NRG2: variants seen among roughly 807,000 people sequenced by gnomAD.
NRG2 encodes neuregulin 2.
In NRG2, 27 loss-of-function variants were observed where a neutral mutation model predicts 73.9. The ratio of observed to expected loss-of-function variants is 0.37; its 90% CI spans 0.27 to 0.50. NRG2 has a LOEUF of 0.50. Ranked by LOEUF, NRG2 falls within the 20% of genes least tolerant of loss-of-function variation. The pLI, the probability that NRG2 is intolerant of heterozygous loss-of-function variation, is 0.96. For synonymous variants in NRG2, 532 were observed against 541.0 expected, an observed-to-expected ratio of 0.98 and a Z score of 0.23; for missense variants, 1,126 against 1,210.1, an observed-to-expected ratio of 0.93 and a Z score of 1.03.
intron 1 of NRG2, among the ~76,000 whole-genome samples, chr5:139,961,176 C>T (rs895174235): frequency 1.3e-5 from 2 of 152,168 alleles, no homozygotes; most frequent in African/African-American, 2.4e-5. Flanking sequence ...GTGGGGGTTT[C>T]GGGAGGGTTG....
Position 139,880,926 on chromosome 5 carries a change from C to T in NRG2, c.921G>A (p.Gly307=), listed in dbSNP as rs1388244663. The T allele has an allele frequency of 1.9e-6, 3 of 1,614,206 alleles. No homozygotes were observed. The highest frequency in any genetic ancestry group is 2.5e-6 in the Non-Finnish European group (3 of 1,180,020). ...QFNKVKVEDA[G]EYVCEAENIL... ...TGTTCTCGGCCTCGCAGACATACTC[C>T]CCAGCGTCCTCCACCTTCACCTTGT... is the stretch of plus-strand genomic sequence containing the variant. Residue 307 remains glycine (G), a synonymous_variant, in exon 3 of 10, where the codon GGG becomes GGA. Transcript: ENST00000361474.
intron 1 of NRG2, among the ~76,000 whole-genome samples, chr5:139,993,481 T>C (rs779333524): frequency 3.9e-5 from 6 of 152,208 alleles, no homozygotes; most frequent in Non-Finnish European, 8.8e-5. Context: ...CTCGCTAGTA[T>C]CGTTAAAGCC....
At chr5:139,989,881 T>C (rs368691191) in intron 1 of NRG2, among the ~76,000 whole-genome samples, 31 of 151,556 alleles carry the variant, frequency 2.0e-4, no homozygotes, top group South Asian at 1.7e-3. Flanking sequence ...CTCCGCCTCC[T>C]GGGTTCATGC....
intron 1 of NRG2, among the ~76,000 whole-genome samples, chr5:139,974,334 G>A (rs1756211651): frequency 6.6e-6 from 1 of 152,098 alleles, no homozygotes; most frequent in Non-Finnish European, 1.5e-5. Flanking sequence ...CTCAAGGGGA[G>A]TACCTCTGTC....
In NRG2 at chr5:139,948,410, C is replaced by G. The variant is rs187612014; in HGVS notation, c.701-60899G>C. On this transcript the variant is annotated intron_variant, in intron 1 of 9. Coordinates refer to ENST00000361474, the MANE Select transcript of NRG2 (RefSeq NM_004883.3). The stretch of plus-strand genomic sequence containing the variant: ...ACCTAACCTGAGCCACTCTTTCTCC[C>G]ACACAGAGGTCCGCTTCACATATAA... 2.0e-5 allele frequency among the ~76,000 whole-genome samples: 3 copies of G among 152,270 alleles called. No individual in the cohort carries two copies. In the East Asian group the frequency reaches 5.8e-4, roughly 29 times the overall value.
At chr5:140,002,470 C>T (rs180692584) in intron 1 of NRG2, among the ~76,000 whole-genome samples, 3 of 152,170 alleles carry the variant, frequency 2.0e-5, no homozygotes, top group East Asian at 1.9e-4. Flanking sequence ...ATGAGCCACA[C>T]GGATTTTTAG....
At position 139,913,972 on chromosome 5, in the gene NRG2, G is replaced by A. The variant is rs1447713914; in HGVS notation, c.701-26461C>T. 1.6e-4 allele frequency among the ~76,000 whole-genome samples: 25 copies of A among 151,992 alleles called. 2 individuals are homozygous for A. Among genetic ancestry groups the A allele is most frequent in the Admixed American group, 1.6e-3 (25 of 15,268 alleles). ...GTTTGAGATCAGCCTGGGCAGCATGGTGAAACTCTGTCTCTACAAAAAAAT... is the reference window on the plus strand; with the variant it reads ...GTTTGAGATCAGCCTGGGCAGCATGATGAAACTCTGTCTCTACAAAAAAAT... On this transcript the variant is annotated intron_variant, in intron 1 of 9. Transcript: ENST00000361474.
chr5:139,922,333 T>A lies in NRG2; in HGVS notation c.701-34822A>T, dbSNP rs140458210. The stretch of plus-strand genomic sequence containing the variant: ...CCAAAGAAAATATACAGATGGCAAA[T>A]AAGCATATGAGAAGATGCTCCACAT... On this transcript the variant is annotated intron_variant, in intron 1 of 9. Transcript: ENST00000361474. Among the ~76,000 whole-genome samples, 186 of 152,088 alleles carry A rather than the reference T, an allele frequency of 1.2e-3. 1 individual carries two copies. The highest frequency in any genetic ancestry group is 6.8e-3 in the Middle Eastern group (2 of 292).
At chr5:139,970,473 A>C (rs1236367476) in intron 1 of NRG2, among the ~76,000 whole-genome samples, 1 of 151,366 alleles carries the variant, frequency 6.6e-6, no homozygotes, top group Admixed American at 6.6e-5. Context: ...AGCCACTAGA[A>C]GATGCAGGCA....
At chr5:139,965,721 G>A (rs189047446) in intron 1 of NRG2, among the ~76,000 whole-genome samples, 12 of 152,308 alleles carry the variant, frequency 7.9e-5, no homozygotes, top group East Asian at 1.9e-4. Context: ...GGTAGAGACC[G>A]TCACCCCAAT....
At chr5:139,939,465 G>C (rs953243350) in intron 1 of NRG2, among the ~76,000 whole-genome samples, 13 of 152,036 alleles carry the variant, frequency 8.6e-5, no homozygotes, top group African/African-American at 2.9e-4. Context: ...AGTAGAGACA[G>C]GGTTTCACCG....
intron 1 of NRG2, among the ~76,000 whole-genome samples, chr5:139,971,350 A>G (rs1159201611): frequency 1.3e-5 from 2 of 152,220 alleles, no homozygotes; most frequent in African/African-American, 4.8e-5. Flanking sequence ...GAGTAGGGAA[A>G]GAACTAGGTA....
Position 139,887,222 on chromosome 5 carries a change from A to T in NRG2, c.872+118T>A, listed in dbSNP as rs1272428065. On this transcript the variant is annotated intron_variant, in intron 2 of 9. Transcript: ENST00000361474. The surrounding 1 kb of genome is among the most constrained non-coding windows in gnomAD (Gnocchi z 4.5). ...AAGGGGAGTATGGAGAGGGGCTGGG[A>T]CTGGTTCCATGGGTGAGTCTGGGGG... 2.5e-6 allele frequency: 3 copies of T among 1,189,970 alleles called. No individual in the cohort carries two copies. The Admixed American group carries it at 5.5e-5, about 22-fold the overall frequency. The allele number at this position is 1,189,970 out of a possible 1,614,324, so 73.7% of individuals were successfully genotyped here. A position where few individuals can be genotyped will look rare whatever the true frequency, so the allele number is the denominator to read the frequency against.
intron 1 of NRG2, among the ~76,000 whole-genome samples, chr5:139,966,914 G>A (rs1243506725): frequency 1.3e-5 from 2 of 152,212 alleles, no homozygotes; most frequent in African/African-American, 4.8e-5. Flanking sequence ...TAATGGATGG[G>A]AAGGAGCTTA....
intron 1 of NRG2, among the ~76,000 whole-genome samples, chr5:139,916,312 A>G (rs73271462): frequency 6.6e-6 from 1 of 152,200 alleles, no homozygotes; most frequent in African/African-American, 2.4e-5. Flanking sequence ...TCCAGTCCTC[A>G]CTGCTCAACT....
At chr5:140,017,088 A>C (rs1053317181) in intron 1 of NRG2, among the ~76,000 whole-genome samples, 1 of 152,246 alleles carries the variant, frequency 6.6e-6, no homozygotes, top group African/African-American at 2.4e-5. Flanking sequence ...CCAGCTATGA[A>C]GCAAATACAG....
chr5:139,934,027 C>T (rs181789182), intron 1 of NRG2, among the ~76,000 whole-genome samples: 149 of 152,156 alleles, frequency 9.8e-4, no homozygotes, highest in African/African-American at 3.4e-3. Context: ...GGAGAAACCT[C>T]GTCTCTTCAA....
At chr5:139,965,187 C>G (rs1207854151) in intron 1 of NRG2, among the ~76,000 whole-genome samples, 1 of 152,202 alleles carries the variant, frequency 6.6e-6, no homozygotes, top group Admixed American at 6.5e-5. Context: ...GTCACATGCT[C>G]TAAGACTTCT....
At chr5:139,862,467 C>T (rs1245667139) in intron 5 of NRG2, among the ~76,000 whole-genome samples, 3 of 152,244 alleles carry the variant, frequency 2.0e-5, no homozygotes, top group African/African-American at 7.2e-5. Flanking sequence ...AGTGGCACCA[C>T]TGAGTCACCG....
Sources: allele counts gnomAD v4.1 joint callset (sites outside exome capture counted in the v4.1 genomes callset), GRCh38; gene constraint gnomAD v4.1.1; non-coding constraint Gnocchi (gnomAD v3.1); transcripts MANE v1.5; gene names NCBI Gene and HGNC (gene_info 2026-07-23, HGNC 2026-07-21).